Variants in SLC36A1 observed in about 807,000 individuals in gnomAD.
The protein encoded by SLC36A1 is solute carrier family 36 member 1.
In SLC36A1, 30 loss-of-function variants were observed where a neutral mutation model predicts 47.5. The observed-to-expected ratio is 0.63, with a 90% CI of 0.47 to 0.86. SLC36A1 has a LOEUF of 0.86. Among genes scored for constraint, SLC36A1 ranks in the 40% least tolerant of loss-of-function variants. The pLI, the probability that SLC36A1 is intolerant of heterozygous loss-of-function variation, is 0.00. For synonymous variants in SLC36A1, 255 were observed against 249.7 expected (o/e 1.02, Z -0.20); for missense variants, 517 against 606.0 (o/e 0.85, Z 1.54).
the SLC36A1 span, among the ~76,000 whole-genome samples, chr5:151,351,686 C>T: frequency 6.6e-6 from 1 of 152,110 alleles, no homozygotes; most frequent in African/African-American, 2.4e-5. Context: ...GTAACGAGAG[C>T]TACCATTTAT....
the SLC36A1 span, among the ~76,000 whole-genome samples, chr5:151,365,844 A>G: frequency 1.3e-5 from 2 of 152,292 alleles, no homozygotes; most frequent in African/African-American, 4.8e-5. Context: ...TATGGGATGC[A>G]TTTTGTACGT....
At chr5:151,474,611 A>G (rs545959354) in intron 8 of SLC36A1, among the ~76,000 whole-genome samples, 16 of 152,350 alleles carry the variant, frequency 1.1e-4, no homozygotes, top group African/African-American at 3.8e-4. Context: ...TATTGAATCA[A>G]TAAATGCATG....
the SLC36A1 span, among the ~76,000 whole-genome samples, chr5:151,536,917 C>A: frequency 1.3e-5 from 2 of 152,188 alleles, no homozygotes; most frequent in Admixed American, 1.3e-4. Flanking sequence ...CAGTTTCTGG[C>A]CTTCTGTCAG....
upstream of SLC36A1, among the ~76,000 whole-genome samples, chr5:151,444,533 C>T (rs1041474407): frequency 1.3e-5 from 2 of 152,032 alleles, no homozygotes; most frequent in Non-Finnish European, 2.9e-5. Context: ...CTCTGTCACC[C>T]AGGCTGAAGG....
At chr5:151,401,986 C>T in the SLC36A1 span, among the ~76,000 whole-genome samples, 1 of 152,102 alleles carries the variant, frequency 6.6e-6, no homozygotes, top group African/African-American at 2.4e-5. Context: ...TTATTTCTTT[C>T]TCTTGTCTGA....
intron 5 of SLC36A1, 78 bp downstream of exon 5, chr5:151,465,247 CAG>C: frequency 8.9e-7 from 1 of 1,119,584 alleles, no homozygotes; most frequent in South Asian, 1.2e-5. Context: ...ACGTGGGAGA[CAG>C]TGTAAAGCGT....
chr5:151,459,077 C>T (rs1755136226), intron 2 of SLC36A1, 142 bp downstream of exon 2: 2 of 898,740 alleles, frequency 2.2e-6, no homozygotes, highest in Admixed American at 6.0e-5. Flanking sequence ...AGTGACTGCG[C>T]TGAGATTTGC....
chr5:151,449,299 T>C lies in SLC36A1; in HGVS notation c.-6+1486T>C, dbSNP rs966933203. ...CATGATCAGGGCCCTCTTCTGACTC[T>C]TGTCTAGAGCCTCGTTTACAGTAAT... is the stretch of plus-strand genomic sequence containing the variant. On this transcript the variant is annotated intron_variant, in intron 1 of 10. Coordinates refer to ENST00000243389, the MANE Select transcript of SLC36A1 (RefSeq NM_078483.4). 4.6e-5 allele frequency among the ~76,000 whole-genome samples: 7 copies of C among 152,264 alleles called. No homozygotes were observed. In the East Asian group the frequency reaches 1.3e-3, roughly 29 times the overall value.
the SLC36A1 span, among the ~76,000 whole-genome samples, chr5:151,556,074 A>G: frequency 6.6e-6 from 1 of 152,272 alleles, no homozygotes; most frequent in South Asian, 2.1e-4. Flanking sequence ...TACATAGCAC[A>G]CATGTACTGC....
At chr5:151,351,769 A>G in the SLC36A1 span, among the ~76,000 whole-genome samples, 1 of 152,198 alleles carries the variant, frequency 6.6e-6, no homozygotes, top group African/African-American at 2.4e-5. Context: ...CCAAGCCAGC[A>G]TCATCCCTCA....
the SLC36A1 span, among the ~76,000 whole-genome samples, chr5:151,364,828 A>G: frequency 6.6e-6 from 1 of 152,062 alleles, no homozygotes; most frequent in Non-Finnish European, 1.5e-5. Context: ...CTCTTGGCAT[A>G]ATTTTCTCCT....
At chr5:151,405,343 C>CTTTTTTTTTT in the SLC36A1 span, among the ~76,000 whole-genome samples, 32 of 85,262 alleles carry the variant, frequency 3.8e-4, 1 homozygote, top group South Asian at 1.2e-3. Context: ...CTCTCTTTCT[C>CTTTTTTTTTT]TTTTTTTTTT....
the SLC36A1 span, chr5:151,431,163 G>C: frequency 6.6e-6 from 1 of 152,142 alleles, no homozygotes; most frequent in Admixed American, 6.5e-5. Context: ...TGTCTGTCAA[G>C]AACTACAGGA....
chr5:151,495,633 G>C (rs1454046416), downstream of SLC36A1, among the ~76,000 whole-genome samples: 3 of 152,006 alleles, frequency 2.0e-5, no homozygotes, highest in Admixed American at 2.0e-4. Context: ...GTCACCTCAA[G>C]ACTCCTTATG....
At chr5:151,437,994 C>T (rs1759872308) in intron 1 of SLC36A1, among the ~76,000 whole-genome samples, 2 of 152,120 alleles carry the variant, frequency 1.3e-5, no homozygotes, top group African/African-American at 4.8e-5. Context: ...CTCTCTGACC[C>T]TCCTGCCTCC....
At chr5:151,417,247 C>CAGA in the SLC36A1 span, among the ~76,000 whole-genome samples, 1 of 152,152 alleles carries the variant, frequency 6.6e-6, no homozygotes, top group East Asian at 1.9e-4. Flanking sequence ...TTGGAGGGCT[C>CAGA]AGAAGAAGAC....
the SLC36A1 span, among the ~76,000 whole-genome samples, chr5:151,501,481 A>T: frequency 6.8e-6 from 1 of 147,808 alleles, no homozygotes; most frequent in African/African-American, 2.7e-5. Flanking sequence ...TCTGGGTCCC[A>T]GGAGGGACCA....
At chr5:151,404,746 G>A in the SLC36A1 span, among the ~76,000 whole-genome samples, 1 of 152,150 alleles carries the variant, frequency 6.6e-6, no homozygotes, top group African/African-American at 2.4e-5. Flanking sequence ...AATTACTTCT[G>A]GCTTGTAAGG....
the SLC36A1 span, among the ~76,000 whole-genome samples, chr5:151,367,273 G>C: frequency 2.6e-5 from 4 of 151,976 alleles, no homozygotes; most frequent in East Asian, 5.8e-4. Context: ...GGTTCTGCGG[G>C]AGACCAGGGC....
Sources: allele counts gnomAD v4.1 joint callset (sites outside exome capture counted in the v4.1 genomes callset), GRCh38; gene constraint gnomAD v4.1.1; transcripts MANE v1.5; gene names NCBI Gene and HGNC (gene_info 2026-07-23, HGNC 2026-07-21).